Variants in ACY3 observed in about 807,000 individuals in gnomAD.
The protein encoded by ACY3 is N-acyl-aromatic-L-amino acid amidohydrolase (carboxylate-forming).
In ACY3, 20 loss-of-function variants were observed where a neutral mutation model predicts 24.6. The ratio of observed to expected loss-of-function variants is 0.81; its 90% CI spans 0.57 to 1.18. The LOEUF (loss-of-function observed/expected upper bound fraction) is 1.18. Among genes scored for constraint, ACY3 ranks in the 50% most tolerant of loss-of-function variants. ACY3 has a pLI of 0.00. For synonymous variants in ACY3, 174 were observed against 188.4 expected (o/e 0.92, Z 0.62); for missense variants, 423 against 426.8 (o/e 0.99, Z 0.08).
At chr11:67,649,700 T>C (rs2361140) in intron 1 of ACY3, among the ~76,000 whole-genome samples, 8,927 of 147,898 alleles carry the variant, frequency 0.06, 1,005 homozygotes, top group African/African-American at 0.22. Context: ...TGTGTGCATG[T>C]ATGTGTACAT....
chr11:67,645,865 G>C lies in ACY3; in HGVS notation c.259C>G (p.Pro87Ala), dbSNP rs1334951053. The C allele has an allele frequency of 6.2e-7, 1 of 1,607,080 alleles. No individual in the cohort carries two copies. The highest frequency in any genetic ancestry group is 8.5e-7 in the Non-Finnish European group (1 of 1,176,446). ...TCTCGGGCTCTTGTCACCTCATATG[G>C]GTCGTCCGGGGTGGGCCTGGAACTG... The part of the protein sequence containing the change: ...FLNSRPTPDD[P>A]YEVTRARELN... The change falls in exon 4 of 8, where the codon CCA becomes GCA. Residue 87 changes from proline to alanine, a missense_variant. Pro to Ala is a conservative substitution (Grantham distance 27). Coordinates refer to ENST00000255082, the MANE Select transcript of ACY3 (RefSeq NM_080658.2).
rs1855489309 is a variant in ACY3 at position 67,645,212 on chromosome 11, C to T, written c.527-60G>A. 13 of 1,604,468 alleles carry T rather than the reference C, an allele frequency of 8.1e-6. 1 individual carries two copies. In the South Asian group the frequency reaches 1.2e-4, roughly 15 times the overall value. ...AGGACCCATATACTCCTTGAAGAGG[C>T]CCTGCCCCTTGGTGACTGGACCCGC... On this transcript the variant is annotated intron_variant, in intron 5 of 7. Coordinates refer to ENST00000255082, the MANE Select transcript of ACY3 (RefSeq NM_080658.2).
intron 4 of ACY3, 103 bp from the exon 5 acceptor site, chr11:67,645,483 G>C (rs969163417): frequency 7.4e-7 from 1 of 1,346,972 alleles, no homozygotes; most frequent in Non-Finnish European, 1.0e-6. Context: ...ACCCTCCTTG[G>C]CCAGGTCTCC....
intron 6 of ACY3, 83 bp downstream of exon 6, chr11:67,644,962 T>TGCCTGTGA (rs1855482712): frequency 1.3e-6 from 2 of 1,583,316 alleles, no homozygotes; most frequent in African/African-American, 1.3e-5. Flanking sequence ...GATCCCAGCC[T>TGCCTGTGA]GCCTGTGAGC....
intron 1 of ACY3, among the ~76,000 whole-genome samples, chr11:67,647,989 C>T (rs1855550283): frequency 6.6e-6 from 1 of 152,216 alleles, no homozygotes; most frequent in Non-Finnish European, 1.5e-5. Context: ...GTCCTTGCAG[C>T]CCGGAGAGGG....
Position 67,646,956 on chromosome 11 carries a change from G to C in ACY3, c.88C>G (p.Leu30Val). The C allele has an allele frequency of 1.9e-6, 3 of 1,591,518 alleles. No individual in the cohort carries two copies. The highest frequency in any genetic ancestry group is 2.6e-6 in the Non-Finnish European group (3 of 1,168,766). The part of the protein sequence containing the change: ...THGNEMSGVY[L>V]ARHWLHAPAE... ...GGGGCATGCAGCCAGTGCCGGGCCAGGTAGACGCCCGACATCTCGTTGCCA... is the reference window on the plus strand; with the variant it reads ...GGGGCATGCAGCCAGTGCCGGGCCACGTAGACGCCCGACATCTCGTTGCCA... The change falls in exon 3 of 8, where the codon CTG becomes GTG. Residue 30 changes from leucine to valine, a missense_variant. Transcript: ENST00000255082.
Position 67,645,116 on chromosome 11 carries a change from C to G in ACY3, c.563G>C (p.Arg188Pro), listed in dbSNP as rs369635209. The change falls in exon 6 of 8, where the codon CGG becomes CCG. Residue 188 changes from arginine (R) to proline (P), a missense_variant. Coordinates refer to ENST00000255082, the MANE Select transcript of ACY3 (RefSeq NM_080658.2). Reference sequence around the variant, plus strand: ...CCTCATCCTTGAGAAAATGTCAGCCCGCAGCACACCCTGTGGCTGGGGGCC... The same window carrying G: ...CCTCATCCTTGAGAAAATGTCAGCCGGCAGCACACCCTGTGGCTGGGGGCC... ...ELGPQPQGVL[R>P]ADIFSRMRTL... 6.2e-7 allele frequency: 1 copy of G among 1,613,572 alleles called. No homozygotes were observed. The highest frequency in any genetic ancestry group is 8.5e-7 in the Non-Finnish European group (1 of 1,179,894).
chr11:67,642,997 G>C (rs1024652910), intron 7 of ACY3, 58 bp from the exon 8 acceptor site: 2 of 1,524,826 alleles, frequency 1.3e-6, no homozygotes, highest in African/African-American at 1.4e-5. Context: ...GGCCCCAGAG[G>C]GGGGTGACCC....
At chr11:67,648,441 C>T (rs1258561218) in intron 1 of ACY3, among the ~76,000 whole-genome samples, 7 of 152,214 alleles carry the variant, frequency 4.6e-5, no homozygotes. Flanking sequence ...GCACTCAGCC[C>T]TGGGGCCTCT....
intron 1 of ACY3, among the ~76,000 whole-genome samples, chr11:67,648,614 A>C (rs1260537137): frequency 1.3e-5 from 2 of 151,878 alleles, no homozygotes; most frequent in African/African-American, 2.4e-5. Context: ...CTTTACCACC[A>C]CACTGGGTCT....
In ACY3 at chr11:67,644,798, C is replaced by G. The variant is rs773687833; in HGVS notation, c.706G>C (p.Ala236Pro). The change falls in exon 7 of 8, where the codon GCC becomes CCC. Residue 236 changes from alanine to proline, a missense_variant. Ala to Pro is a conservative substitution (Grantham distance 27). Transcript: ENST00000255082. ...VGVVDFPRTE[A>P]GHLAGTVHPQ... is the part of the protein sequence containing the mutation. The stretch of plus-strand genomic sequence containing the variant: ...TGCACAGTGCCTGCCAGGTGCCCGG[C>G]CTCGGTGCGGGGGAAGTCCACGACG... The G allele has an allele frequency of 6.4e-7, 1 of 1,565,614 alleles. No homozygotes were observed. The highest frequency in any genetic ancestry group is 1.9e-5 in the Admixed American group (1 of 52,442).
At chr11:67,644,499 GC>G (rs775572414) in intron 7 of ACY3, among the ~76,000 whole-genome samples, 1 of 152,178 alleles carries the variant, frequency 6.6e-6, no homozygotes, top group Non-Finnish European at 1.5e-5. Context: ...TCTCCATCAT[GC>G]CCTCCACAGG....
intron 1 of ACY3, among the ~76,000 whole-genome samples, chr11:67,649,765 G>A (rs1311990178): frequency 6.7e-6 from 1 of 149,606 alleles, no homozygotes; most frequent in Admixed American, 6.6e-5. Flanking sequence ...GTGACAGCAT[G>A]CATGTGTGCG....
Position 67,644,318 on chromosome 11 carries a change from A to G in ACY3, c.744+442T>C, listed in dbSNP as rs1392543218. Among the ~76,000 whole-genome samples the G allele has an allele frequency of 2.6e-5, 4 of 152,192 alleles. No homozygotes were observed. In the South Asian group the frequency reaches 8.3e-4, roughly 31 times the overall value. ...AAGCAGGATTGCCTAATCCTGGAAC[A>G]TTCAGGAAGGGAAGGCCTGCAGAGA... On this transcript the variant is annotated intron_variant, in intron 7 of 7. Transcript: ENST00000255082.
At position 67,645,161 on chromosome 11, in the gene ACY3, C is replaced by T; in HGVS notation, c.527-9G>A. 6.2e-7 allele frequency: 1 copy of T among 1,610,680 alleles called. No homozygotes were observed. Among genetic ancestry groups the T allele is most frequent in the Non-Finnish European group, 8.5e-7 (1 of 1,178,682 alleles). On this transcript the variant is annotated splice_polypyrimidine_tract_variant and intron_variant, in intron 5 of 7. Transcript: ENST00000255082. ...GGGGCCCAGCTCCAGACCTGGGGAC[C>T]AGGAAGCAAGGGGTTAGGCAGGTGC...
intron 1 of ACY3, among the ~76,000 whole-genome samples, chr11:67,649,416 A>G (rs1172260418): frequency 6.6e-6 from 1 of 152,182 alleles, no homozygotes; most frequent in Non-Finnish European, 1.5e-5. Flanking sequence ...GGGGTGCTGG[A>G]AAGTTTCACT....
intron 2 of ACY3, among the ~76,000 whole-genome samples, 198 bp from the exon 3 acceptor site, chr11:67,647,261 A>G (rs1359672410): frequency 6.6e-6 from 1 of 152,176 alleles, no homozygotes. Flanking sequence ...TTTGGAGAAA[A>G]GAAGTTTCTT....
Position 67,645,881 on chromosome 11 carries a change from C to G in ACY3, c.243G>C (p.Arg81Ser), listed in dbSNP as rs1382781996. 3 of 1,597,738 alleles carry G rather than the reference C, an allele frequency of 1.9e-6. No homozygotes were observed. The highest frequency in any genetic ancestry group is 2.6e-6 in the Non-Finnish European group (3 of 1,171,228). The change falls in exon 4 of 8, where the codon AGG becomes AGC. Residue 81 changes from arginine (R) to serine (S), a missense_variant. Transcript: ENST00000255082. ...RTFTSSFLNS[R>S]PTPDDPYEVT... is the part of the protein sequence containing the mutation. Reference sequence around the variant, plus strand: ...CCTCATATGGGTCGTCCGGGGTGGGCCTGGAACTGTGGAGACGGGAATGGG... The same window carrying G: ...CCTCATATGGGTCGTCCGGGGTGGGGCTGGAACTGTGGAGACGGGAATGGG...
In ACY3 at chr11:67,646,992, C is replaced by T. The variant is rs751850735; in HGVS notation, c.52G>A (p.Gly18Arg). ...REPLRRVAVT[G>R]GTHGNEMSGV... Reference sequence around the variant, plus strand: ...GACATCTCGTTGCCATGCGTGCCCCCAGTCACAGCCACGCGACGCAGGGGC... The same window carrying T: ...GACATCTCGTTGCCATGCGTGCCCCTAGTCACAGCCACGCGACGCAGGGGC... The change falls in exon 3 of 8, where the codon GGG becomes AGG. Residue 18 changes from glycine (G) to arginine (R), a missense_variant. By Grantham distance (125) the Gly-to-Arg change is moderately radical. Transcript: ENST00000255082. The T allele has an allele frequency of 1.3e-6, 2 of 1,562,050 alleles. No homozygotes were observed. The highest frequency in any genetic ancestry group is 1.7e-6 in the Non-Finnish European group (2 of 1,152,298).
Sources: gnomAD v4.1 joint callset for allele counts (sites outside exome capture counted in the v4.1 genomes callset) on GRCh38, gnomAD v4.1.1 for gene constraint, MANE v1.5 for transcripts, NCBI Gene and HGNC (gene_info 2026-07-23, HGNC 2026-07-21) for gene names.